ERN1: variants seen among roughly 807,000 people sequenced by gnomAD.
ERN1 encodes the protein endoplasmic reticulum to nucleus signaling 1.
In ERN1, 39 loss-of-function variants were observed where a neutral mutation model predicts 113.1. The ratio of observed to expected loss-of-function variants is 0.34; its 90% CI spans 0.27 to 0.45. The LOEUF (loss-of-function observed/expected upper bound fraction) is 0.45, where lower values mean the gene tolerates loss of function less well. Among genes scored for constraint, ERN1 ranks in the 20% least tolerant of loss-of-function variants. The probability of loss-of-function intolerance (pLI) is 1.00; values close to 1 mark genes in which losing one functional copy is unlikely to be tolerated. For synonymous variants in ERN1, 507 were observed against 515.9 expected (o/e 0.98, Z 0.23); for missense variants, 976 against 1,274.8 (o/e 0.77, Z 3.57).
Position 64,044,105 on chromosome 17 carries a change from G to GA in ERN1, c.2816_2817insT (p.Leu940ProfsTer63). On this transcript the variant is annotated frameshift_variant, in exon 22 of 22. Transcript: ENST00000433197. LOFTEE classifies it high-confidence loss of function. The surrounding 1 kb of genome is among the most constrained non-coding windows in gnomAD (Gnocchi z 4.1). ...TGGCCCGGTAGGTGTGTGCGAGGAG[G>GA]TGGGGGAAGCGAGATGTGAAGTAGC... The GA allele has an allele frequency of 6.2e-7, 1 of 1,612,954 alleles. No homozygotes were observed. The highest frequency in any genetic ancestry group is 8.5e-7 in the Non-Finnish European group (1 of 1,179,344).
intron 1 of ERN1, among the ~76,000 whole-genome samples, chr17:64,111,230 A>G (rs1456933112): frequency 6.6e-6 from 1 of 152,206 alleles, no homozygotes; most frequent in African/African-American, 2.4e-5. Context: ...ATATGTACAC[A>G]TTGTGGAATG....
In ERN1 at chr17:64,066,766, G is replaced by C. The variant is rs746472253; in HGVS notation, c.747C>G (p.Thr249=). The change falls in exon 8 of 22, where the codon ACC becomes ACG. Residue 249 remains threonine, a synonymous_variant. Coordinates refer to ENST00000433197, the MANE Select transcript of ERN1 (RefSeq NM_001433.5). ...CAGACATGAAGGTCAGATAGCGCAG[G>C]GTCTCCACAGCGACATTGATGTGCA... ...KVMHINVAVE[T]LRYLTFMSGE... The C allele has an allele frequency of 2.5e-6, 4 of 1,613,742 alleles. No individual in the cohort carries two copies. The African/African-American group carries it at 5.3e-5, about 22-fold the overall frequency.
At chr17:64,117,974 C>T (rs1318194500) in intron 1 of ERN1, among the ~76,000 whole-genome samples, 1 of 152,110 alleles carries the variant, frequency 6.6e-6, no homozygotes, top group East Asian at 1.9e-4. Context: ...AAAATATGTA[C>T]TCAAAAAGTT....
Position 64,054,832 on chromosome 17 carries a change from G to T in ERN1, c.1673-4C>A, listed in dbSNP as rs1358854566. ...ATCACCACGCTGGTTTCCTCATCTGGGACAAAATAGGAAAAAGAGATTGTT... is the reference window on the plus strand; with the variant it reads ...ATCACCACGCTGGTTTCCTCATCTGTGACAAAATAGGAAAAAGAGATTGTT... On this transcript the variant is annotated splice_region_variant and splice_polypyrimidine_tract_variant and intron_variant, in intron 13 of 21. Coordinates refer to ENST00000433197, the MANE Select transcript of ERN1 (RefSeq NM_001433.5). This position sits in a 1 kb window ranked among gnomAD's most constrained non-coding sequence, Gnocchi z 4.9. The T allele has an allele frequency of 6.3e-7, 1 of 1,593,410 alleles. No individual in the cohort carries two copies. Among genetic ancestry groups the T allele is most frequent in the Admixed American group, 1.7e-5 (1 of 58,098 alleles).
At position 64,064,068 on chromosome 17, in the gene ERN1, C is replaced by A. The variant is rs749500366; in HGVS notation, c.1005G>T (p.Thr335=). 1 of 1,613,652 alleles carries A rather than the reference C, an allele frequency of 6.2e-7. No individual in the cohort carries two copies. Among genetic ancestry groups the A allele is most frequent in the Non-Finnish European group, 8.5e-7 (1 of 1,179,710 alleles). Residue 335 remains threonine, a synonymous_variant, in exon 10 of 22, where the codon ACG becomes ACT. Transcript: ENST00000433197. ...GATCAAACTTGACGTCCGTGCTGGG[C>A]GTGATCACACACTCCCCCTTGTCCC... ...TIGDKGECVI[T]PSTDVKFDPG... is the part of the protein sequence containing the mutation.
chr17:64,105,844 AC>A (rs1372706158), intron 1 of ERN1, among the ~76,000 whole-genome samples: 1 of 152,038 alleles, frequency 6.6e-6, no homozygotes, highest in East Asian at 1.9e-4. Flanking sequence ...AATCCCAGCT[AC>A]TTGGGAAGCT....
chr17:64,111,557 A>G (rs546948871), intron 1 of ERN1, among the ~76,000 whole-genome samples: 7 of 152,192 alleles, frequency 4.6e-5, no homozygotes, highest in African/African-American at 1.7e-4. Flanking sequence ...AGGTTTCACC[A>G]TGTTAGCCAG....
chr17:64,068,407 C>A (rs1913306705), intron 6 of ERN1, 116 bp from the exon 7 acceptor site: 1 of 707,984 alleles, frequency 1.4e-6, no homozygotes, highest in Non-Finnish European at 2.5e-6. Context: ...GCCAAAAAGT[C>A]CAGACTATCC....
chr17:64,058,014 G>A lies in ERN1; in HGVS notation c.1207-21C>T, dbSNP rs115198372. Reference sequence around the variant, plus strand: ...ATAACCTTGCATGGGAGAGAGTTGCGACATCACTGCAAAATTTCTAGCCAG... The same window carrying A: ...ATAACCTTGCATGGGAGAGAGTTGCAACATCACTGCAAAATTTCTAGCCAG... On this transcript the variant is annotated intron_variant, in intron 11 of 21. Transcript: ENST00000433197. 9.4e-4 allele frequency: 1,401 copies of A among 1,497,176 alleles called. 7 individuals carry two copies. In the African/African-American group the frequency reaches 0.017, roughly 18 times the overall value. The allele number at this position is 1,497,176 out of a possible 1,614,324, so 92.7% of individuals were successfully genotyped here.
intron 1 of ERN1, among the ~76,000 whole-genome samples, chr17:64,100,646 C>A (rs1914360418): frequency 6.6e-6 from 1 of 152,120 alleles, no homozygotes; most frequent in African/African-American, 2.4e-5. Context: ...TGGCATGTGC[C>A]TGTATTCCCA....
At position 64,044,619 on chromosome 17, in the gene ERN1, T is replaced by C. The variant is rs969767246; in HGVS notation, c.2721+241A>G. Among the ~76,000 whole-genome samples the C allele has an allele frequency of 8.6e-5, 13 of 151,790 alleles. No individual in the cohort carries two copies. Among genetic ancestry groups the C allele is most frequent in the Non-Finnish European group, 1.9e-4 (13 of 67,874 alleles). On this transcript the variant is annotated intron_variant, in intron 21 of 21. Coordinates refer to ENST00000433197, the MANE Select transcript of ERN1 (RefSeq NM_001433.5). The surrounding 1 kb of genome is among the most constrained non-coding windows in gnomAD (Gnocchi z 4.1). ...CACAAAAGTCAGCGACCAGAGACCA[T>C]GAGGGACATGGGCCGCAGAGCACTG... is the stretch of plus-strand genomic sequence containing the variant.
At chr17:64,078,607 TG>T (rs1913670184) in intron 4 of ERN1, among the ~76,000 whole-genome samples, 1 of 152,242 alleles carries the variant, frequency 6.6e-6, no homozygotes, top group African/African-American at 2.4e-5. Context: ...CACATTTAGA[TG>T]TGTGATCTAT....
intron 2 of ERN1, among the ~76,000 whole-genome samples, chr17:64,088,868 G>C (rs1467444938): frequency 6.6e-6 from 1 of 152,176 alleles, no homozygotes; most frequent in Non-Finnish European, 1.5e-5. Context: ...GTGTTCACGG[G>C]ACAGAGGACG....
intron 1 of ERN1, among the ~76,000 whole-genome samples, chr17:64,111,107 C>T (rs749281627): frequency 6.6e-6 from 1 of 152,046 alleles, no homozygotes; most frequent in Non-Finnish European, 1.5e-5. Context: ...CTGTCCCAGG[C>T]AGGAATGGAC....
chr17:64,044,884 A>G lies in ERN1; in HGVS notation c.2697T>C (p.Asp899=). The change falls in exon 21 of 22, where the codon GAT becomes GAC. Residue 899 remains aspartate (D), a synonymous_variant. Coordinates refer to ENST00000433197, the MANE Select transcript of ERN1 (RefSeq NM_001433.5). The surrounding 1 kb of genome is among the most constrained non-coding windows in gnomAD (Gnocchi z 4.1). ...CCTTATTTCTCATGGCTCGGAGGAG[A>G]TCTCTGACAGAACCACCTTTATAGG... is the stretch of plus-strand genomic sequence containing the variant. ...FRTYKGGSVR[D]LLRAMRNKKH... 1 of 1,590,520 alleles carries G rather than the reference A, an allele frequency of 6.3e-7. No individual in the cohort carries two copies. The highest frequency in any genetic ancestry group is 8.6e-7 in the Non-Finnish European group (1 of 1,167,944).
In ERN1 at chr17:64,066,593, G is replaced by A. The variant is rs191761385; in HGVS notation, c.842+78C>T. The A allele has an allele frequency of 3.2e-4, 490 of 1,549,072 alleles. 1 individual carries two copies. The African/African-American group carries it at 5.5e-3, about 17-fold the overall frequency. On this transcript the variant is annotated intron_variant, in intron 8 of 21. Transcript: ENST00000433197. ...GACTGCCCTGTCTTTGGCCTCCCGT[G>A]CAGGGCCTGCTACACTGCAACAGCA...
chr17:64,107,100 G>A (rs1914550120), intron 1 of ERN1, among the ~76,000 whole-genome samples: 2 of 151,998 alleles, frequency 1.3e-5, no homozygotes, highest in African/African-American at 4.8e-5. Flanking sequence ...GTCCGATCAT[G>A]GCCAAAAAGA....
chr17:64,061,658 G>C (rs946608762), intron 10 of ERN1, among the ~76,000 whole-genome samples: 3 of 152,236 alleles, frequency 2.0e-5, no homozygotes, highest in Admixed American at 2.0e-4. Context: ...GGAGCTCTGA[G>C]ACATGCTTTG....
chr17:64,117,336 G>C (rs755309794), intron 1 of ERN1, among the ~76,000 whole-genome samples: 1 of 151,720 alleles, frequency 6.6e-6, no homozygotes, highest in Non-Finnish European at 1.5e-5. Flanking sequence ...CCAGCTACTC[G>C]GGAGGCTGAA....
Sources: gnomAD v4.1 joint callset for allele counts (sites outside exome capture counted in the v4.1 genomes callset) on GRCh38, gnomAD v4.1.1 for gene constraint, Gnocchi (gnomAD v3.1) non-coding constraint, MANE v1.5 for transcripts, NCBI Gene and HGNC (gene_info 2026-07-23, HGNC 2026-07-21) for gene names.